Variants in SERGEF observed in about 807,000 individuals in gnomAD.
SERGEF encodes secretion regulating guanine nucleotide exchange factor, also known as secretion-regulating guanine nucleotide exchange factor.
Under a neutral mutation model 50.0 loss-of-function variants are expected in SERGEF, and 51 were observed. The observed-to-expected ratio is 1.02, with a 90% confidence interval of 0.81 to 1.29. The LOEUF (loss-of-function observed/expected upper bound fraction) is 1.29. SERGEF is among the 50% of genes most tolerant of loss of function. The probability of loss-of-function intolerance (pLI) is 0.00; values close to 1 mark genes in which losing one functional copy is unlikely to be tolerated. For synonymous variants in SERGEF, 205 were observed against 212.4 expected, an observed-to-expected ratio of 0.97 and a Z score of 0.30; for missense variants, 521 against 557.0, an observed-to-expected ratio of 0.94 and a Z score of 0.65.
At chr11:17,815,321 G>A (rs539793782) in intron 10 of SERGEF, among the ~76,000 whole-genome samples, 43 of 152,048 alleles carry the variant, frequency 2.8e-4, no homozygotes, top group African/African-American at 9.4e-4. Flanking sequence ...TGACCTGGCC[G>A]GGCATGGTGG....
At chr11:17,945,129 T>A (rs1272005329) in intron 9 of SERGEF, among the ~76,000 whole-genome samples, 1 of 152,214 alleles carries the variant, frequency 6.6e-6, no homozygotes, top group African/African-American at 2.4e-5. Context: ...CTGCTAGGAG[T>A]ATATTGAATT....
intron 8 of SERGEF, among the ~76,000 whole-genome samples, chr11:17,985,843 G>A (rs180905912): frequency 6.6e-6 from 1 of 152,330 alleles, no homozygotes; most frequent in Admixed American, 6.5e-5. Flanking sequence ...GGGATGTCCA[G>A]TATTGAGCAG....
At chr11:17,982,957 C>A (rs950022497) in intron 8 of SERGEF, among the ~76,000 whole-genome samples, 4 of 152,194 alleles carry the variant, frequency 2.6e-5, no homozygotes, top group Admixed American at 1.3e-4. Context: ...AAGTCACTTT[C>A]TCTCTGCTTG....
rs544991986 is a variant in SERGEF at position 17,816,235 on chromosome 11, A to C, written c.1049-27822T>G. On this transcript the variant is annotated intron_variant, in intron 10 of 10. Transcript: ENST00000265965. ...AGGGGGAGTATTGTTTTTCTGAATA[A>C]TAACTCTAGTCTAAGGATGGATGAA... 3.9e-4 allele frequency among the ~76,000 whole-genome samples: 59 copies of C among 152,318 alleles called. 1 individual carries two copies. The highest frequency in any genetic ancestry group is 9.1e-4 in the Admixed American group (14 of 15,302).
At position 17,998,420 on chromosome 11, in the gene SERGEF, AATACATAC is replaced by A. The variant is rs1313104622; in HGVS notation, c.508+2069_508+2076del. Among the ~76,000 whole-genome samples the A allele has an allele frequency of 6.1e-3, 343 of 56,290 alleles. 3 individuals are homozygous for A. The highest frequency in any genetic ancestry group is 0.01 in the African/African-American group (123 of 11,986). 36.9% of individuals were successfully genotyped at this position (56,290 alleles called of 152,430 possible). On this transcript the variant is annotated intron_variant, in intron 5 of 10. Coordinates refer to ENST00000265965, the MANE Select transcript of SERGEF (RefSeq NM_012139.4). Reference sequence around the variant, plus strand: ...CAACAGGGGGGGACCCTATCTTAAAAATACATACATACATACATACATATATATATATA... The same window carrying A: ...CAACAGGGGGGGACCCTATCTTAAAAATACATACATACATATATATATATA...
At chr11:17,948,388 T>C (rs1223878682) in intron 9 of SERGEF, among the ~76,000 whole-genome samples, 1 of 152,172 alleles carries the variant, frequency 6.6e-6, no homozygotes, top group African/African-American at 2.4e-5. Flanking sequence ...TGTCCAAAGA[T>C]CAAGCCGCAG....
chr11:17,963,443 A>G lies in SERGEF; in HGVS notation c.845-3807T>C, dbSNP rs191457065. Among the ~76,000 whole-genome samples, 112 of 147,248 alleles carry G rather than the reference A, an allele frequency of 7.6e-4. 1 individual carries two copies. Among genetic ancestry groups the G allele is most frequent in the Admixed American group, 7.1e-3 (104 of 14,724 alleles). On this transcript the variant is annotated intron_variant, in intron 8 of 10. Coordinates refer to ENST00000265965, the MANE Select transcript of SERGEF (RefSeq NM_012139.4). ...TACTGCATTATCCAGGCTGGAGTGC[A>G]GTGGCATGATCTTGGCTCACTGTAA...
At position 17,923,304 on chromosome 11, in the gene SERGEF, A is replaced by G. The variant is rs1005200775; in HGVS notation, c.1011+36166T>C. ...GTGCGCTCAGCTCTGTAAGCAGCTCAGGATCCAGTACACAGCAGAGGCTGG... is the reference window on the plus strand; with the variant it reads ...GTGCGCTCAGCTCTGTAAGCAGCTCGGGATCCAGTACACAGCAGAGGCTGG... On this transcript the variant is annotated intron_variant, in intron 9 of 10. Coordinates refer to ENST00000265965, the MANE Select transcript of SERGEF (RefSeq NM_012139.4). Among the ~76,000 whole-genome samples, 5 of 152,258 alleles carry G rather than the reference A, an allele frequency of 3.3e-5. No individual in the cohort carries two copies. In the East Asian group the frequency reaches 9.6e-4, roughly 29 times the overall value.
intron 10 of SERGEF, among the ~76,000 whole-genome samples, chr11:17,804,942 T>C (rs968011239): frequency 2.0e-5 from 3 of 152,262 alleles, no homozygotes; most frequent in African/African-American, 4.8e-5. Context: ...CTCAATTTGA[T>C]GTCTTCTAAA....
At chr11:17,877,993 G>A in intron 10 of SERGEF, 1 of 483,764 alleles carries the variant, frequency 2.1e-6, no homozygotes, top group South Asian at 3.4e-5. Context: ...GGCCAGCTCA[G>A]GTACCTTAAA....
At chr11:17,844,053 T>C (rs1029498) in intron 10 of SERGEF, among the ~76,000 whole-genome samples, 24,929 of 152,132 alleles carry the variant, frequency 0.16, 2,334 homozygotes, top group Middle Eastern at 0.29. Context: ...CCCAAGTGAT[T>C]TGATAGAATA....
chr11:17,988,847 A>G, intron 7 of SERGEF, 92 bp from the exon 8 acceptor site: 5 of 1,338,056 alleles, frequency 3.7e-6, no homozygotes, highest in Non-Finnish European at 5.1e-6. Flanking sequence ...AGTGGTTAAA[A>G]GAAGTTGTTT....
intron 1 of SERGEF, chr11:18,012,679 T>TGCCCCGAGGCAGGTTC: frequency 8.5e-7 from 1 of 1,178,680 alleles, no homozygotes. Flanking sequence ...CCAGACGCTC[T>TGCCCCGAGGCAGGTTC]GCCCCGAGGC....
intron 9 of SERGEF, among the ~76,000 whole-genome samples, chr11:17,941,758 C>T (rs555072355): frequency 2.0e-5 from 3 of 152,272 alleles, no homozygotes; most frequent in African/African-American, 7.2e-5. Flanking sequence ...CAATAGTGCA[C>T]AAGGGTTCCA....
chr11:17,926,563 G>A (rs2133943814), intron 9 of SERGEF, among the ~76,000 whole-genome samples: 1 of 152,270 alleles, frequency 6.6e-6, no homozygotes, highest in Non-Finnish European at 1.5e-5. Flanking sequence ...GCCTCAGTGT[G>A]CTGCCCATTC....
At chr11:17,920,959 AT>A (rs983230716) in intron 9 of SERGEF, among the ~76,000 whole-genome samples, 5 of 152,218 alleles carry the variant, frequency 3.3e-5, no homozygotes, top group African/African-American at 1.2e-4. Flanking sequence ...AGGGGAATGT[AT>A]TTAACAAAGG....
intron 10 of SERGEF, among the ~76,000 whole-genome samples, chr11:17,826,269 G>A (rs1173579606): frequency 6.6e-6 from 1 of 152,210 alleles, no homozygotes; most frequent in South Asian, 2.1e-4. Context: ...ATTTCTGAAA[G>A]GAATGTATCA....
At chr11:17,917,392 A>C (rs543233477) in intron 9 of SERGEF, among the ~76,000 whole-genome samples, 81 of 152,326 alleles carry the variant, frequency 5.3e-4, no homozygotes, top group African/African-American at 1.9e-3. Flanking sequence ...TAAGAATGAC[A>C]CAATAGACTT....
intron 6 of SERGEF, among the ~76,000 whole-genome samples, chr11:17,993,862 C>T (rs759325400): frequency 1.1e-4 from 16 of 152,122 alleles, no homozygotes; most frequent in East Asian, 1.9e-4. Context: ...AACGGGAGGA[C>T]GAAAAGTGAA....
Sources: allele counts gnomAD v4.1 joint callset (sites outside exome capture counted in the v4.1 genomes callset), GRCh38; gene constraint gnomAD v4.1.1; transcripts MANE v1.5; gene names NCBI Gene and HGNC (gene_info 2026-07-23, HGNC 2026-07-21).